SUPT3H: variants seen among roughly 807,000 people sequenced by gnomAD.
The protein encoded by SUPT3H is transcription initiation protein SPT3 homolog.
In SUPT3H, 44 loss-of-function variants were observed where a neutral mutation model predicts 44.3. The ratio of observed to expected loss-of-function variants is 0.99; its 90% CI spans 0.78 to 1.28. SUPT3H has a LOEUF of 1.28. Among genes scored for constraint, SUPT3H ranks in the 50% most tolerant of loss-of-function variants. The pLI, the probability that SUPT3H is intolerant of heterozygous loss-of-function variation, is 0.00. For synonymous variants in SUPT3H, 124 were observed against 125.6 expected, an observed-to-expected ratio of 0.99 and a Z score of 0.09; for missense variants, 380 against 387.1, an observed-to-expected ratio of 0.98 and a Z score of 0.15.
chr6:45,376,336 A>T (rs1318317285), intron 1 of SUPT3H, among the ~76,000 whole-genome samples: 1 of 152,170 alleles, frequency 6.6e-6, no homozygotes, highest in East Asian at 1.9e-4. Context: ...CCATATCAAG[A>T]CTCGGAAGGA....
intron 2 of SUPT3H, among the ~76,000 whole-genome samples, chr6:45,321,558 T>C (rs1785502835): frequency 6.6e-6 from 1 of 152,140 alleles, no homozygotes; most frequent in African/African-American, 2.4e-5. Flanking sequence ...TTAATACATA[T>C]TCCATAGTAT....
At chr6:44,996,878 A>C (rs1445097337) in intron 6 of SUPT3H, among the ~76,000 whole-genome samples, 1 of 151,688 alleles carries the variant, frequency 6.6e-6, no homozygotes, top group African/African-American at 2.4e-5. Flanking sequence ...TTTCTTTTTC[A>C]GTAGTTCTAT....
chr6:45,234,879 A>C (rs1339876711), intron 2 of SUPT3H, among the ~76,000 whole-genome samples: 1 of 152,182 alleles, frequency 6.6e-6, no homozygotes, highest in South Asian at 2.1e-4. Context: ...AACACTCCCA[A>C]GTCCTTAAAA....
Position 45,265,387 on chromosome 6 carries a change from T to C in SUPT3H, c.101+99814A>G, listed in dbSNP as rs1274249121. ...ATGGAGAATGTTTAACTGAACTTTGTCCTGTCAAACAGAATCAACTACTAA... is the reference window on the plus strand; with the variant it reads ...ATGGAGAATGTTTAACTGAACTTTGCCCTGTCAAACAGAATCAACTACTAA... On this transcript the variant is annotated intron_variant, in intron 2 of 10. Coordinates refer to ENST00000371459, the MANE Select transcript of SUPT3H (RefSeq NM_003599.4). 2.0e-5 allele frequency among the ~76,000 whole-genome samples: 3 copies of C among 152,122 alleles called. No homozygotes were observed. In the East Asian group the frequency reaches 5.8e-4, roughly 29 times the overall value.
At chr6:45,187,449 C>A (rs940002733) in intron 2 of SUPT3H, among the ~76,000 whole-genome samples, 3 of 151,666 alleles carry the variant, frequency 2.0e-5, no homozygotes, top group Non-Finnish European at 4.4e-5. Context: ...CACAGATTTA[C>A]CTCTTTCTTC....
intron 2 of SUPT3H, among the ~76,000 whole-genome samples, chr6:45,110,542 T>C (rs1799897231): frequency 6.7e-6 from 1 of 150,054 alleles, no homozygotes; most frequent in Non-Finnish European, 1.5e-5. Context: ...GAACCCCTTT[T>C]CAGTGCTTTC....
intron 3 of SUPT3H, among the ~76,000 whole-genome samples, chr6:45,080,517 T>A (rs1937047): frequency 6.6e-6 from 1 of 151,804 alleles, no homozygotes; most frequent in Non-Finnish European, 1.5e-5. Flanking sequence ...TAGTAAAGAT[T>A]TGGAAGCAAC....
chr6:45,213,852 T>C (rs1211155668), intron 2 of SUPT3H, among the ~76,000 whole-genome samples: 1 of 151,960 alleles, frequency 6.6e-6, no homozygotes, highest in Non-Finnish European at 1.5e-5. Context: ...AAACAGAAGA[T>C]AAAAATTCTC....
Position 44,829,798 on chromosome 6 carries a change from C to G in SUPT3H, c.*18G>C. The G allele has an allele frequency of 6.2e-7, 1 of 1,611,910 alleles. No individual in the cohort carries two copies. Among genetic ancestry groups the G allele is most frequent in the Non-Finnish European group, 8.5e-7 (1 of 1,178,650 alleles). Reference sequence around the variant, plus strand: ...ACATTGCCTTTCCTGTTGTTGCAGGCACATCACAGTTGTCACATCAGCAGG... The same window carrying G: ...ACATTGCCTTTCCTGTTGTTGCAGGGACATCACAGTTGTCACATCAGCAGG... On this transcript the variant is annotated 3_prime_UTR_variant, in exon 11 of 11. Coordinates refer to ENST00000371459, the MANE Select transcript of SUPT3H (RefSeq NM_003599.4).
intron 2 of SUPT3H, among the ~76,000 whole-genome samples, chr6:45,334,821 A>C (rs2150102512): frequency 6.6e-6 from 1 of 151,236 alleles, no homozygotes; most frequent in South Asian, 2.1e-4. Flanking sequence ...TATAATCAAA[A>C]TTTTTTTGCA....
chr6:45,321,398 A>G (rs906742548), intron 2 of SUPT3H, among the ~76,000 whole-genome samples: 2 of 152,156 alleles, frequency 1.3e-5, no homozygotes, highest in Non-Finnish European at 2.9e-5. Flanking sequence ...TCCTTTACTT[A>G]TATTCACCAA....
At chr6:45,148,150 A>G (rs780299463) in intron 2 of SUPT3H, among the ~76,000 whole-genome samples, 3 of 152,156 alleles carry the variant, frequency 2.0e-5, no homozygotes, top group Non-Finnish European at 4.4e-5. Flanking sequence ...AAAAACATAC[A>G]TTTTTAATTT....
Position 45,028,073 on chromosome 6 carries a change from T to C in SUPT3H, c.187-7441A>G, listed in dbSNP as rs577354256. On this transcript the variant is annotated intron_variant, in intron 3 of 10. Transcript: ENST00000371459. ...ACTTCAACCTGTATGTTCTTGTCCT[T>C]TACATTTGAAAAATGTTCTTGGACT... Among the ~76,000 whole-genome samples the C allele has an allele frequency of 4.6e-4, 70 of 152,354 alleles. No individual in the cohort carries two copies. The South Asian group carries it at 7.5e-3, about 16-fold the overall frequency.
downstream of SUPT3H, among the ~76,000 whole-genome samples, chr6:44,822,022 C>T (rs1767361355): frequency 6.6e-6 from 1 of 152,140 alleles, no homozygotes; most frequent in Non-Finnish European, 1.5e-5. Context: ...AGTGATTTTA[C>T]ATTTTATAAT....
chr6:44,912,739 T>A (rs930641987), intron 10 of SUPT3H, among the ~76,000 whole-genome samples: 10 of 152,146 alleles, frequency 6.6e-5, no homozygotes, highest in African/African-American at 2.2e-4. Flanking sequence ...ACAGAATGAG[T>A]TACTGTTGCC....
chr6:45,208,696 C>G (rs1161467773), intron 2 of SUPT3H, among the ~76,000 whole-genome samples: 2 of 149,724 alleles, frequency 1.3e-5, no homozygotes, highest in African/African-American at 4.9e-5. Flanking sequence ...TGTACTCCAG[C>G]CTGGGCAACA....
At chr6:45,156,039 A>T (rs1807761988) in intron 2 of SUPT3H, among the ~76,000 whole-genome samples, 1 of 152,098 alleles carries the variant, frequency 6.6e-6, no homozygotes, top group Admixed American at 6.6e-5. Context: ...TCTCAACATG[A>T]CCCATCTATG....
At chr6:45,177,662 C>A (rs1465503544) in intron 2 of SUPT3H, among the ~76,000 whole-genome samples, 5 of 150,998 alleles carry the variant, frequency 3.3e-5, no homozygotes, top group Non-Finnish European at 7.4e-5. Context: ...TTAAGGGCAG[C>A]CACAGAGAAA....
At chr6:44,924,386 A>C (rs1429156665) in intron 10 of SUPT3H, among the ~76,000 whole-genome samples, 1 of 152,148 alleles carries the variant, frequency 6.6e-6, no homozygotes, top group African/African-American at 2.4e-5. Flanking sequence ...AAATACACCT[A>C]TACTTACTGA....
Sources: gnomAD v4.1 joint callset for allele counts (sites outside exome capture counted in the v4.1 genomes callset) on GRCh38, gnomAD v4.1.1 for gene constraint, MANE v1.5 for transcripts, NCBI Gene and HGNC (gene_info 2026-07-23, HGNC 2026-07-21) for gene names.